OSBPL6: variants seen among roughly 807,000 people sequenced by gnomAD.
OSBPL6 encodes the protein oxysterol-binding protein-related protein 6.
Under a neutral mutation model 125.8 loss-of-function variants are expected in OSBPL6, and 49 were observed. That is an observed-to-expected ratio of 0.39 (90% confidence interval 0.31 to 0.49). OSBPL6 has a LOEUF of 0.49. Ranked by LOEUF, OSBPL6 falls within the 20% of genes least tolerant of loss-of-function variation. OSBPL6 has a pLI of 0.88. For synonymous variants in OSBPL6, 394 were observed against 391.8 expected (o/e 1.01, Z -0.07); for missense variants, 986 against 1,135.4 (o/e 0.87, Z 1.89).
chr2:178,294,441 T>C (rs756503017), intron 2 of OSBPL6, among the ~76,000 whole-genome samples: 9 of 152,140 alleles, frequency 5.9e-5, no homozygotes, highest in Non-Finnish European at 8.8e-5. Flanking sequence ...AATTATCCAA[T>C]ATTGATTGGA....
chr2:178,278,376 A>G (rs1377310669), intron 1 of OSBPL6, among the ~76,000 whole-genome samples: 1 of 152,162 alleles, frequency 6.6e-6, no homozygotes, highest in Non-Finnish European at 1.5e-5. Context: ...TGATTGTTAC[A>G]TTTCTAGATC....
At chr2:178,213,997 C>T (rs1034377270) in intron 1 of OSBPL6, among the ~76,000 whole-genome samples, 3 of 152,152 alleles carry the variant, frequency 2.0e-5, no homozygotes, top group African/African-American at 7.2e-5. Context: ...TATTTCCCAG[C>T]ACTCATTATA....
intron 3 of OSBPL6, among the ~76,000 whole-genome samples, chr2:178,312,548 C>G (rs1243823273): frequency 1.3e-5 from 2 of 151,954 alleles, no homozygotes; most frequent in Non-Finnish European, 2.9e-5. Context: ...CTCCGCCTCC[C>G]AGGTTCAAGT....
rs142607931 is a variant in OSBPL6, at chr2:178,275,572, C to T, written c.-350-9355C>T. Among the ~76,000 whole-genome samples, 36 of 151,916 alleles carry T rather than the reference C, an allele frequency of 2.4e-4. 1 individual carries two copies. In the East Asian group the frequency reaches 6.8e-3, roughly 29 times the overall value. On this transcript the variant is annotated intron_variant, in intron 1 of 24. Coordinates refer to ENST00000190611, the MANE Select transcript of OSBPL6 (RefSeq NM_032523.4). ...TTGAACACACTGAGTTTCAGGTGCCCTTGATATATTGCAATGGAATCGACA... is the reference window on the plus strand; with the variant it reads ...TTGAACACACTGAGTTTCAGGTGCCTTTGATATATTGCAATGGAATCGACA...
chr2:178,204,481 A>G (rs1217865331), intron 1 of OSBPL6, among the ~76,000 whole-genome samples: 2 of 152,140 alleles, frequency 1.3e-5, no homozygotes, highest in Non-Finnish European at 2.9e-5. Context: ...CCACTGCTGG[A>G]AACTCACTCA....
intron 1 of OSBPL6, among the ~76,000 whole-genome samples, chr2:178,254,079 C>T (rs1046273441): frequency 1.3e-5 from 2 of 152,152 alleles, no homozygotes; most frequent in Non-Finnish European, 2.9e-5. Flanking sequence ...CTGGACTTCT[C>T]AGTCTCTGTA....
At chr2:178,310,576 C>T (rs888609774) in intron 3 of OSBPL6, among the ~76,000 whole-genome samples, 1 of 151,988 alleles carries the variant, frequency 6.6e-6, no homozygotes, top group Non-Finnish European at 1.5e-5. Flanking sequence ...CGCCACCGCA[C>T]CCGGCTAATT....
At chr2:178,264,864 G>A (rs1333512121) in intron 1 of OSBPL6, among the ~76,000 whole-genome samples, 1 of 151,816 alleles carries the variant, frequency 6.6e-6, no homozygotes. Context: ...CACCCAAAAA[G>A]TTTGCATAGG....
chr2:178,222,405 G>A (rs2090376938), intron 1 of OSBPL6, among the ~76,000 whole-genome samples: 1 of 152,196 alleles, frequency 6.6e-6, no homozygotes, highest in Non-Finnish European at 1.5e-5. Context: ...AGCACTTTGG[G>A]AGGCCCAGGC....
At chr2:178,344,668 T>G (rs565908140) in intron 11 of OSBPL6, among the ~76,000 whole-genome samples, 2 of 25,724 alleles carry the variant, frequency 7.8e-5, no homozygotes, top group Admixed American at 2.8e-4. Flanking sequence ...AATTATATTG[T>G]TTTTTTTTCT....
At chr2:178,246,277 C>T (rs1281114091) in intron 1 of OSBPL6, among the ~76,000 whole-genome samples, 1 of 152,160 alleles carries the variant, frequency 6.6e-6, no homozygotes, top group African/African-American at 2.4e-5. Flanking sequence ...TCTGAGTTCC[C>T]GTTTTCCACT....
chr2:178,389,326 G>A (rs1695207918), intron 21 of OSBPL6, among the ~76,000 whole-genome samples, 173 bp downstream of exon 21: 1 of 152,142 alleles, frequency 6.6e-6, no homozygotes. Flanking sequence ...AGGCATGCAA[G>A]TTTCTGAACA....
chr2:178,392,631 A>C (rs922439601), intron 23 of OSBPL6, 93 bp downstream of exon 23: 1 of 1,471,186 alleles, frequency 6.8e-7, no homozygotes, highest in Admixed American at 2.2e-5. Flanking sequence ...TGAGGAGGGA[A>C]GATCACTTGA....
At chr2:178,300,924 G>A (rs2154055006) in intron 2 of OSBPL6, among the ~76,000 whole-genome samples, 1 of 152,174 alleles carries the variant, frequency 6.6e-6, no homozygotes, top group East Asian at 1.9e-4. Flanking sequence ...GCAAAAGCCA[G>A]ATTACCAAGC....
At chr2:178,315,726 G>A (rs751970172) in intron 3 of OSBPL6, among the ~76,000 whole-genome samples, 15 of 152,254 alleles carry the variant, frequency 9.9e-5, no homozygotes, top group Admixed American at 2.0e-4. Context: ...CGGTTCTCAG[G>A]CATCACACCA....
intron 1 of OSBPL6, among the ~76,000 whole-genome samples, chr2:178,239,353 G>A (rs1156759010): frequency 1.3e-5 from 2 of 152,116 alleles, no homozygotes; most frequent in Non-Finnish European, 2.9e-5. Context: ...GAGCCCAGGA[G>A]TTCAAGACCA....
chr2:178,309,454 C>G (rs1428075342), intron 3 of OSBPL6, among the ~76,000 whole-genome samples: 1 of 152,144 alleles, frequency 6.6e-6, no homozygotes, highest in African/African-American at 2.4e-5. Context: ...TTGTCCTTCT[C>G]TTCTTCCTTC....
In OSBPL6 at chr2:178,332,988, A is replaced by G. The variant is rs764056262; in HGVS notation, c.604A>G (p.Thr202Ala). Residue 202 changes from threonine (T) to alanine (A), a missense_variant, in exon 8 of 25, where the codon ACG becomes GCG. Thr to Ala is a moderately conservative substitution (Grantham distance 58). Coordinates refer to ENST00000190611, the MANE Select transcript of OSBPL6 (RefSeq NM_032523.4). ...TGCTAGTTTTCACATATTTCCTTCA[A>G]CGTCCACAGCTGAATCCTCACCAGC... is the stretch of plus-strand genomic sequence containing the variant. The part of the protein sequence containing the change: ...RDASFHIFPS[T>A]STAESSPAAN... The G allele has an allele frequency of 3.0e-5, 48 of 1,614,078 alleles. 1 individual carries two copies. In the South Asian group the frequency reaches 4.0e-4, roughly 13 times the overall value.
chr2:178,358,126 A>G (rs760677977), intron 12 of OSBPL6, among the ~76,000 whole-genome samples: 5 of 152,174 alleles, frequency 3.3e-5, no homozygotes, highest in Non-Finnish European at 7.4e-5. Context: ...AGAAATACCT[A>G]ATGTAAATGA....
Sources: gnomAD v4.1 joint callset for allele counts (sites outside exome capture counted in the v4.1 genomes callset) on GRCh38, gnomAD v4.1.1 for gene constraint, MANE v1.5 for transcripts, NCBI Gene and HGNC (gene_info 2026-07-23, HGNC 2026-07-21) for gene names.